RNF170: variants seen among roughly 807,000 people sequenced by gnomAD.
RNF170 encodes E3 ubiquitin-protein ligase RNF170.
A neutral mutation model predicts 32.7 loss-of-function variants in RNF170; 12 were observed. That is an observed-to-expected ratio of 0.37 (90% CI 0.24 to 0.60). The LOEUF (loss-of-function observed/expected upper bound fraction) is 0.60. Among genes scored for constraint, RNF170 ranks in the 20% least tolerant of loss-of-function variants. The probability of loss-of-function intolerance (pLI) is 0.72; values close to 1 mark genes in which losing one functional copy is unlikely to be tolerated. For missense variants in RNF170, 212 were observed against 311.2 expected (o/e 0.68, Z 2.40); for synonymous variants, 91 against 103.6 (o/e 0.88, Z 0.74).
chr8:42,883,136 C>T (rs1053535567), intron 2 of RNF170, among the ~76,000 whole-genome samples: 11 of 151,570 alleles, frequency 7.3e-5, no homozygotes, highest in African/African-American at 2.4e-4. Context: ...AAATAATAGA[C>T]ATCAGGAACT....
At chr8:42,876,913 C>T (rs1804984538) in intron 2 of RNF170, among the ~76,000 whole-genome samples, 1 of 151,174 alleles carries the variant, frequency 6.6e-6, no homozygotes, top group Non-Finnish European at 1.5e-5. Flanking sequence ...CCTTGGACTC[C>T]CAAAATGCTG....
intron 6 of RNF170, 154 bp downstream of exon 6, chr8:42,861,591 C>A: frequency 1.5e-6 from 1 of 670,058 alleles, no homozygotes; most frequent in South Asian, 1.6e-5. Flanking sequence ...GATCCACCTG[C>A]CTTGGCCTCC....
At chr8:42,876,498 A>G (rs1804941178) in intron 2 of RNF170, among the ~76,000 whole-genome samples, 1 of 151,996 alleles carries the variant, frequency 6.6e-6, no homozygotes, top group African/African-American at 2.4e-5. Context: ...ATGTAAAGAC[A>G]CAACAAGAAA....
At chr8:42,893,815 T>C (rs1366539039) in intron 1 of RNF170, among the ~76,000 whole-genome samples, 4 of 152,180 alleles carry the variant, frequency 2.6e-5, no homozygotes, top group Admixed American at 2.0e-4. Flanking sequence ...TCTAAGTATG[T>C]GTTCCCTGGG....
chr8:42,858,948 C>T (rs898418058), intron 6 of RNF170, among the ~76,000 whole-genome samples: 10 of 152,024 alleles, frequency 6.6e-5, no homozygotes, highest in African/African-American at 1.9e-4. Context: ...TTTGGGAGGC[C>T]GAGGTGGGAG....
intron 2 of RNF170, among the ~76,000 whole-genome samples, chr8:42,877,498 C>A (rs1279086034): frequency 6.6e-6 from 1 of 152,112 alleles, no homozygotes; most frequent in East Asian, 1.9e-4. Flanking sequence ...TTTGTTATAA[C>A]AAGCCAAACT....
upstream of RNF170, chr8:42,897,068 C>T (rs1004791376): frequency 6.7e-5 from 80 of 1,190,458 alleles, 5 homozygotes; most frequent in South Asian, 3.0e-4. Context: ...GCCCCCGGAT[C>T]CCCCGACAGA....
chr8:42,880,700 G>A (rs1805324520), intron 2 of RNF170, among the ~76,000 whole-genome samples: 2 of 151,956 alleles, frequency 1.3e-5, no homozygotes, highest in South Asian at 4.2e-4. Context: ...AACCTGGGAG[G>A]TGAAGGTTGC....
chr8:42,886,366 G>A (rs1166476646), intron 2 of RNF170, among the ~76,000 whole-genome samples: 1 of 152,136 alleles, frequency 6.6e-6, no homozygotes, highest in Non-Finnish European at 1.5e-5. Flanking sequence ...ACTTAACTCT[G>A]CTATCATCTA....
chr8:42,877,102 A>G (rs1805008409), intron 2 of RNF170, among the ~76,000 whole-genome samples: 1 of 143,662 alleles, frequency 7.0e-6, no homozygotes, highest in Admixed American at 7.2e-5. Flanking sequence ...AATTTTTTCT[A>G]TTTTTAGTAG....
chr8:42,887,484 T>C (rs890559620), intron 2 of RNF170, among the ~76,000 whole-genome samples: 6 of 152,178 alleles, frequency 3.9e-5, no homozygotes, highest in Admixed American at 1.3e-4. Flanking sequence ...CATACGCCAA[T>C]AGAAAGTACT....
chr8:42,878,255 T>A (rs1168633721), intron 2 of RNF170, among the ~76,000 whole-genome samples: 2 of 152,182 alleles, frequency 1.3e-5, no homozygotes, highest in Non-Finnish European at 2.9e-5. Context: ...TCACTTCACA[T>A]AAAACCTAGA....
chr8:42,873,855 T>C (rs1804705599), intron 3 of RNF170, 76 bp downstream of exon 3: 6 of 844,744 alleles, frequency 7.1e-6, no homozygotes, highest in Non-Finnish European at 1.0e-5. Flanking sequence ...AAAAGTAATT[T>C]AGTAATGTTT....
rs1432895191 is a variant in RNF170, at chr8:42,853,838, A to C, written c.*2321T>G. On this transcript the variant is annotated 3_prime_UTR_variant, in exon 7 of 7. Coordinates refer to ENST00000527424, the MANE Select transcript of RNF170 (RefSeq NM_030954.4). ...AATTTAGGAAGCTTTAAGATCATTT[A>C]GTATTTTTTTATGTTACAAAATTTG... 7.8e-7 allele frequency: 1 copy of C among 1,286,958 alleles called. No individual in the cohort carries two copies. The highest frequency in any genetic ancestry group is 2.3e-5 in the Admixed American group (1 of 43,544). The allele number at this position is 1,286,958 out of a possible 1,614,324, so 79.7% of individuals were successfully genotyped here.
intron 5 of RNF170, among the ~76,000 whole-genome samples, chr8:42,864,611 A>G (rs1016810948): frequency 5.3e-5 from 8 of 152,116 alleles, no homozygotes; most frequent in Non-Finnish European, 5.9e-5. Flanking sequence ...GTTCATGCTT[A>G]CTTACTGCCT....
intron 2 of RNF170, among the ~76,000 whole-genome samples, chr8:42,882,671 T>G (rs1805507952): frequency 6.6e-6 from 1 of 152,192 alleles, no homozygotes; most frequent in Non-Finnish European, 1.5e-5. Flanking sequence ...AATCGGCTCA[T>G]TAATGGAGAC....
rs765260722 is a variant in RNF170, at chr8:42,896,474, C to T, written c.-8+10G>A. 9 of 453,840 alleles carry T rather than the reference C, an allele frequency of 2.0e-5. No homozygotes were observed. The highest frequency in any genetic ancestry group is 1.4e-4 in the Admixed American group (6 of 42,558). 28.1% of individuals were successfully genotyped at this position (453,840 alleles called of 1,614,324 possible). On this transcript the variant is annotated intron_variant, in intron 1 of 6. Coordinates refer to ENST00000527424, the MANE Select transcript of RNF170 (RefSeq NM_030954.4). ...ATAGGGTGGGCGTGGCCGCCGCGCG[C>T]CGGACGTACCTCTCCACCGCGAAGG...
chr8:42,880,845 G>A (rs958175484), intron 2 of RNF170, among the ~76,000 whole-genome samples: 6 of 152,178 alleles, frequency 3.9e-5, no homozygotes, highest in Admixed American at 2.0e-4. Context: ...TGTTAACATG[G>A]AGTCAAGACT....
chr8:42,871,146 A>T (rs1233812620), intron 3 of RNF170, among the ~76,000 whole-genome samples: 1 of 151,838 alleles, frequency 6.6e-6, no homozygotes, highest in East Asian at 1.9e-4. Context: ...AGAGGTAAAG[A>T]CTGCAATGAG....
Sources: gnomAD v4.1 joint callset for allele counts (sites outside exome capture counted in the v4.1 genomes callset) on GRCh38, gnomAD v4.1.1 for gene constraint, MANE v1.5 for transcripts, NCBI Gene and HGNC (gene_info 2026-07-23, HGNC 2026-07-21) for gene names.